Variants in DAGLA observed in about 807,000 individuals in gnomAD.
DAGLA encodes the protein diacylglycerol lipase-alpha.
In DAGLA, 22 loss-of-function variants were observed where a neutral mutation model predicts 102.6. The observed-to-expected ratio is 0.21, with a 90% CI of 0.15 to 0.31. The LOEUF (loss-of-function observed/expected upper bound fraction) is 0.31. Among genes scored for constraint, DAGLA ranks in the 10% least tolerant of loss-of-function variants. The pLI is 1.00. For missense variants in DAGLA, 927 were observed against 1,446.6 expected (o/e 0.64, Z 5.83); for synonymous variants, 578 against 628.9 (o/e 0.92, Z 1.21).
At chr11:61,741,607 CT>C (rs34881719) in intron 19 of DAGLA, among the ~76,000 whole-genome samples, 2,573 of 132,006 alleles carry the variant, frequency 0.019, 36 homozygotes, top group African/African-American at 0.064. Context: ...CAGATTCACT[CT>C]TTTTTTTTTT....
intron 1 of DAGLA, among the ~76,000 whole-genome samples, chr11:61,688,669 C>T (rs973079151): frequency 6.6e-6 from 1 of 152,212 alleles, no homozygotes; most frequent in Non-Finnish European, 1.5e-5. Context: ...CTGGGCCCTG[C>T]TTCCTCTCCC....
chr11:61,735,193 C>T (rs543888203), intron 10 of DAGLA, among the ~76,000 whole-genome samples, 191 bp downstream of exon 10: 1 of 152,324 alleles, frequency 6.6e-6, no homozygotes, highest in African/African-American at 2.4e-5. Context: ...CTTGCCTGTA[C>T]CACCTCTGGG....
chr11:61,727,028 G>T (rs533343029), intron 6 of DAGLA, among the ~76,000 whole-genome samples: 1 of 152,230 alleles, frequency 6.6e-6, no homozygotes, highest in African/African-American at 2.4e-5. Context: ...TGGAGGGCAC[G>T]CCTGCCCCTC....
chr11:61,717,877 C>T (rs568150840), intron 1 of DAGLA, among the ~76,000 whole-genome samples: 1 of 152,360 alleles, frequency 6.6e-6, no homozygotes, highest in Admixed American at 6.5e-5. Context: ...CTTGACAGTC[C>T]TTCAGCCACC....
At chr11:61,702,884 C>G (rs2065119956) in intron 1 of DAGLA, among the ~76,000 whole-genome samples, 1 of 152,242 alleles carries the variant, frequency 6.6e-6, no homozygotes, top group South Asian at 2.1e-4. Context: ...CCCTTCCTGC[C>G]ACAGTTGCCT....
intron 3 of DAGLA, among the ~76,000 whole-genome samples, chr11:61,721,838 C>A (rs527873144): frequency 6.6e-6 from 1 of 152,372 alleles, no homozygotes; most frequent in Admixed American, 6.5e-5. Flanking sequence ...GAAACTGGGG[C>A]CCAGGCCTAG....
Position 61,719,983 on chromosome 11 carries a change from C to T in DAGLA, c.-44-129C>T. On this transcript the variant is annotated intron_variant, in intron 1 of 19. Coordinates refer to ENST00000257215, the MANE Select transcript of DAGLA (RefSeq NM_006133.3). ...CTGCCCGGAGGTGGGTCAGCACTTC[C>T]AGTGGCCAGCTCCAAAAATGCCTGT... 4 of 630,664 alleles carry T rather than the reference C, an allele frequency of 6.3e-6. 1 individual carries two copies. The highest frequency in any genetic ancestry group is 5.5e-6 in the Non-Finnish European group (2 of 364,174). 39.1% of individuals were successfully genotyped at this position (630,664 alleles called of 1,614,324 possible).
At chr11:61,733,286 G>A (rs377481424) in intron 9 of DAGLA, among the ~76,000 whole-genome samples, 11 of 152,192 alleles carry the variant, frequency 7.2e-5, no homozygotes, top group African/African-American at 2.7e-4. Context: ...AGGTTGGAGA[G>A]GGAACAGCTG....
In DAGLA at chr11:61,744,534, C is replaced by A; in HGVS notation, c.*45C>A. On this transcript the variant is annotated 3_prime_UTR_variant, in exon 20 of 20. Transcript: ENST00000257215. ...GCCGGGCCCAGGCAGGAGCAGGTGG[C>A]CCTGTGGGCACCTGGTGCCTGCCCC... The A allele has an allele frequency of 1.3e-6, 2 of 1,486,578 alleles. No homozygotes were observed. The highest frequency in any genetic ancestry group is 1.8e-6 in the Non-Finnish European group (2 of 1,109,338). 92.1% of individuals were successfully genotyped at this position (1,486,578 alleles called of 1,614,324 possible).
At position 61,734,782 on chromosome 11, in the gene DAGLA, A is replaced by G; in HGVS notation, c.975-67A>G. 2 of 1,490,874 alleles carry G rather than the reference A, an allele frequency of 1.3e-6. No individual in the cohort carries two copies. Among genetic ancestry groups the G allele is most frequent in the Non-Finnish European group, 1.8e-6 (2 of 1,086,626 alleles). The allele number at this position is 1,490,874 out of a possible 1,614,324, so 92.4% of individuals were successfully genotyped here. A position where few individuals can be genotyped will look rare whatever the true frequency, so the allele number is the denominator to read the frequency against. On this transcript the variant is annotated intron_variant, in intron 9 of 19. Transcript: ENST00000257215. This position sits in a 1 kb window ranked among gnomAD's most constrained non-coding sequence, Gnocchi z 4.2. ...CCCAACTGGAACTGGTTCCAGGGAC[A>G]GTGGCAGGAGACATTTGTTCCCTCG...
chr11:61,709,252 G>T (rs1310280163), intron 1 of DAGLA, among the ~76,000 whole-genome samples: 2 of 152,180 alleles, frequency 1.3e-5, no homozygotes, highest in African/African-American at 4.8e-5. Context: ...ACAGAGTCTA[G>T]TTCTGTCACC....
intron 1 of DAGLA, among the ~76,000 whole-genome samples, chr11:61,695,427 C>G (rs964791794): frequency 1.3e-5 from 2 of 152,228 alleles, no homozygotes; most frequent in African/African-American, 4.8e-5. Flanking sequence ...TTCATGTCCC[C>G]AGAAGCTCCT....
chr11:61,728,607 C>G (rs182572575), intron 7 of DAGLA, among the ~76,000 whole-genome samples: 1 of 152,196 alleles, frequency 6.6e-6, no homozygotes, highest in Admixed American at 6.5e-5. Flanking sequence ...TCTGCGTGGC[C>G]GCTCCGCCCA....
chr11:61,683,597 G>T (rs2064962481), intron 1 of DAGLA, among the ~76,000 whole-genome samples: 1 of 152,092 alleles, frequency 6.6e-6, no homozygotes, highest in Non-Finnish European at 1.5e-5. Context: ...CAGCCTTATG[G>T]TTTGGGGCTC....
At chr11:61,716,483 G>A (rs1239421919) in intron 1 of DAGLA, among the ~76,000 whole-genome samples, 1 of 152,130 alleles carries the variant, frequency 6.6e-6, no homozygotes, top group African/African-American at 2.4e-5. Flanking sequence ...CAGCATGTTT[G>A]GGGTGTCGAG....
At chr11:61,689,519 T>G (rs1415747334) in intron 1 of DAGLA, among the ~76,000 whole-genome samples, 1 of 109,074 alleles carries the variant, frequency 9.2e-6, no homozygotes, top group East Asian at 2.6e-4. Context: ...TTTTTTTTTT[T>G]TTTGAGATGG....
intron 6 of DAGLA, 77 bp from the exon 7 acceptor site, chr11:61,728,076 C>G (rs2065344715): frequency 2.6e-6 from 4 of 1,556,052 alleles, no homozygotes; most frequent in Admixed American, 3.4e-5. Flanking sequence ...CCTCCCAGCC[C>G]TGGGGGATTT....
At chr11:61,709,587 C>T (rs1456954341) in intron 1 of DAGLA, among the ~76,000 whole-genome samples, 1 of 152,152 alleles carries the variant, frequency 6.6e-6, no homozygotes, top group Non-Finnish European at 1.5e-5. Flanking sequence ...TGGAAACCCA[C>T]TGAAGAGCAC....
intron 1 of DAGLA, among the ~76,000 whole-genome samples, chr11:61,713,229 C>G (rs1465560754): frequency 6.6e-6 from 1 of 152,178 alleles, no homozygotes; most frequent in Non-Finnish European, 1.5e-5. Context: ...CTTTTGAGTT[C>G]AGAAACAGGC....
Sources: gnomAD v4.1 joint callset for allele counts (sites outside exome capture counted in the v4.1 genomes callset) on GRCh38, gnomAD v4.1.1 for gene constraint, Gnocchi (gnomAD v3.1) non-coding constraint, MANE v1.5 for transcripts, NCBI Gene and HGNC (gene_info 2026-07-23, HGNC 2026-07-21) for gene names.